Variants in KIAA0586 observed in about 807,000 individuals in gnomAD.
KIAA0586 encodes protein TALPID3.
A neutral mutation model predicts 169.8 loss-of-function variants in KIAA0586; 144 were observed. The ratio of observed to expected loss-of-function variants is 0.85; its 90% CI spans 0.74 to 0.97. The LOEUF is 0.97. Ranked by LOEUF, KIAA0586 falls within the 50% of genes least tolerant of loss-of-function variation. KIAA0586 has a pLI of 0.00. For synonymous variants in KIAA0586, 625 were observed against 612.4 expected (o/e 1.02, Z -0.30); for missense variants, 1,854 against 1,823.0 (o/e 1.02, Z -0.31).
At chr14:58,429,546 C>T in intron 2 of KIAA0586, 113 bp downstream of exon 2, 3 of 712,402 alleles carry the variant, frequency 4.2e-6, no homozygotes. Flanking sequence ...TTAAATATCA[C>T]TTACCAAAAC....
chr14:58,513,303 G>A (rs143199043), intron 29 of KIAA0586, among the ~76,000 whole-genome samples: 294 of 152,170 alleles, frequency 1.9e-3, no homozygotes, highest in East Asian at 0.011. Flanking sequence ...TCTGGAAGAA[G>A]TATTAGAAAT....
chr14:58,434,074 A>G (rs1346524768), intron 4 of KIAA0586, among the ~76,000 whole-genome samples: 1 of 152,186 alleles, frequency 6.6e-6, no homozygotes, highest in Non-Finnish European at 1.5e-5. Flanking sequence ...AGAAGAAATC[A>G]AGTATACCAG....
At chr14:58,442,609 T>G in intron 4 of KIAA0586, 97 bp from the exon 5 acceptor site, 1 of 954,064 alleles carries the variant, frequency 1.0e-6, no homozygotes. Context: ...TTAAAAAAAA[T>G]CAAAACCACC....
Position 58,457,986 on chromosome 14 carries a change from G to C in KIAA0586, c.1583+7G>C, listed in dbSNP as rs1333490071. 3 of 1,547,610 alleles carry C rather than the reference G, an allele frequency of 1.9e-6. No individual in the cohort carries two copies. Among genetic ancestry groups the C allele is most frequent in the Admixed American group, 3.8e-5 (2 of 53,188 alleles). On this transcript the variant is annotated splice_region_variant and intron_variant, in intron 11 of 30. Coordinates refer to ENST00000652326, the MANE Select transcript of KIAA0586 (RefSeq NM_001329943.3). ...ATGCTTTATCTACCAACAGGTAAGAGGATGTTGGCATCCAGGGTTATTTAT... is the reference window on the plus strand; with the variant it reads ...ATGCTTTATCTACCAACAGGTAAGACGATGTTGGCATCCAGGGTTATTTAT...
chr14:58,538,262 T>C (rs2046423220), intron 29 of KIAA0586, among the ~76,000 whole-genome samples: 1 of 152,220 alleles, frequency 6.6e-6, no homozygotes, highest in Non-Finnish European at 1.5e-5. Context: ...CTCTTGTCCT[T>C]ATAAAACATT....
At chr14:58,497,850 A>C (rs1441993142) in intron 26 of KIAA0586, among the ~76,000 whole-genome samples, 1 of 148,776 alleles carries the variant, frequency 6.7e-6, no homozygotes, top group Non-Finnish European at 1.5e-5. Context: ...TGTAATGCAT[A>C]CCAGCATTTA....
At chr14:58,472,792 T>C (rs536119377) in intron 18 of KIAA0586, among the ~76,000 whole-genome samples, 1 of 151,426 alleles carries the variant, frequency 6.6e-6, no homozygotes, top group East Asian at 1.9e-4. Flanking sequence ...ACATTGAAAC[T>C]ACTTGACCAT....
At chr14:58,521,165 A>AT (rs1229140408) in intron 29 of KIAA0586, 9 of 635,944 alleles carry the variant, frequency 1.4e-5, no homozygotes, top group East Asian at 3.8e-5. Context: ...CTTCTGTGAG[A>AT]TTTTTTTGAT....
intron 29 of KIAA0586, among the ~76,000 whole-genome samples, chr14:58,519,191 G>A (rs575908244): frequency 1.6e-4 from 24 of 152,310 alleles, no homozygotes; most frequent in African/African-American, 4.6e-4. Context: ...TTTGCTAGGT[G>A]TGTTCTATGT....
chr14:58,446,874 T>C (rs1045397201), intron 6 of KIAA0586, among the ~76,000 whole-genome samples: 1 of 152,146 alleles, frequency 6.6e-6, no homozygotes, highest in African/African-American at 2.4e-5. Context: ...ATAACTTTAC[T>C]TCTTTAAGCC....
At chr14:58,463,788 T>C (rs1433987294) in intron 14 of KIAA0586, among the ~76,000 whole-genome samples, 1 of 151,414 alleles carries the variant, frequency 6.6e-6, no homozygotes, top group East Asian at 1.9e-4. Context: ...ATAGTGCCAC[T>C]GCACTCCAGC....
chr14:58,480,607 CT>C (rs1276981026), intron 20 of KIAA0586, among the ~76,000 whole-genome samples: 2 of 152,086 alleles, frequency 1.3e-5, no homozygotes, highest in Admixed American at 6.6e-5. Context: ...TAAAATTCTT[CT>C]CATTTTTGAG....
chr14:58,518,771 G>A (rs1486005260), intron 29 of KIAA0586, among the ~76,000 whole-genome samples: 1 of 152,078 alleles, frequency 6.6e-6, no homozygotes, highest in Non-Finnish European at 1.5e-5. Context: ...GATTGAAAAC[G>A]TCTTATTCAT....
intron 25 of KIAA0586, among the ~76,000 whole-genome samples, chr14:58,491,186 C>G (rs926833311): frequency 6.6e-6 from 1 of 152,140 alleles, no homozygotes; most frequent in Non-Finnish European, 1.5e-5. Flanking sequence ...AGTGGCAAAG[C>G]ATGTTTAAAT....
At chr14:58,437,268 C>T (rs1040247905) in intron 4 of KIAA0586, among the ~76,000 whole-genome samples, 1 of 152,038 alleles carries the variant, frequency 6.6e-6, no homozygotes, top group African/African-American at 2.4e-5. Flanking sequence ...AGGTTGAATC[C>T]CAGATTTTTG....
At chr14:58,504,191 G>A (rs980822503) in intron 27 of KIAA0586, among the ~76,000 whole-genome samples, 1 of 152,142 alleles carries the variant, frequency 6.6e-6, no homozygotes, top group Non-Finnish European at 1.5e-5. Context: ...GAGGCAAGGA[G>A]CCTGATTAGA....
intron 19 of KIAA0586, among the ~76,000 whole-genome samples, chr14:58,476,216 ACT>A (rs2041609924): frequency 6.6e-6 from 1 of 152,266 alleles, no homozygotes; most frequent in South Asian, 2.1e-4. Context: ...AATTTTTTAA[ACT>A]CTTACATTTT....
At chr14:58,458,423 C>A in intron 11 of KIAA0586, 50 bp from the exon 12 acceptor site, 1 of 986,692 alleles carries the variant, frequency 1.0e-6, no homozygotes, top group Non-Finnish European at 1.6e-6. Context: ...CCAAGTCCTG[C>A]TCAGGACAGT....
At chr14:58,485,160 G>T (rs1172798193) in intron 21 of KIAA0586, among the ~76,000 whole-genome samples, 1 of 150,392 alleles carries the variant, frequency 6.6e-6, no homozygotes, top group Non-Finnish European at 1.5e-5. Flanking sequence ...CTGACCTCGT[G>T]ATCTGCCCAT....
Sources: gnomAD v4.1 joint callset for allele counts (sites outside exome capture counted in the v4.1 genomes callset) on GRCh38, gnomAD v4.1.1 for gene constraint, MANE v1.5 for transcripts, NCBI Gene and HGNC (gene_info 2026-07-23, HGNC 2026-07-21) for gene names.